The following FBXL16 variants were observed in gnomAD, a reference collection of about 807,000 sequenced individuals.
FBXL16 encodes the protein F-box and leucine rich repeat protein 16.
In FBXL16, 7 loss-of-function variants were observed where a neutral mutation model predicts 36.7. The observed-to-expected ratio is 0.19, with a 90% CI of 0.11 to 0.36. The LOEUF is 0.36. Ranked by LOEUF, FBXL16 falls within the 10% of genes least tolerant of loss-of-function variation. FBXL16 has a pLI of 1.00. For synonymous variants in FBXL16, 355 were observed against 308.7 expected, an observed-to-expected ratio of 1.15 and a Z score of -1.57; for missense variants, 463 against 659.4, an observed-to-expected ratio of 0.70 and a Z score of 3.26.
intron 1 of FBXL16, among the ~76,000 whole-genome samples, chr16:703,907 C>A (rs1434679190): frequency 2.6e-5 from 4 of 152,354 alleles, no homozygotes; most frequent in Admixed American, 2.6e-4. Context: ...AGGCCTGGGC[C>A]CCTAGTGCCT....
At chr16:696,567 G>A (rs1477545808) in intron 2 of FBXL16, among the ~76,000 whole-genome samples, 1 of 151,384 alleles carries the variant, frequency 6.6e-6, no homozygotes, top group Non-Finnish European at 1.5e-5. Flanking sequence ...CCTGGGCCCT[G>A]CATTTAATCC....
chr16:696,225 GTATT>G (rs766142167), intron 2 of FBXL16, among the ~76,000 whole-genome samples: 19 of 150,642 alleles, frequency 1.3e-4, no homozygotes, highest in Admixed American at 3.3e-4. Context: ...CACTGCATTT[GTATT>G]TATTTATTTA....
Position 695,019 on chromosome 16 carries a change from G to C in FBXL16, c.1200C>G (p.Arg400=). ...GGCAGCACCATCGCAGGTAGAGGCTGCGGAGGGACGACATGGTGGACAGAT... is the reference window on the plus strand; with the variant it reads ...GGCAGCACCATCGCAGGTAGAGGCTCCGGAGGGACGACATGGTGGACAGAT... ...LSYLSTMSSL[R]SLYLRWCCQV... The change falls in exon 4 of 6, where the codon CGC becomes CGG. Residue 400 remains arginine (R), a synonymous_variant. Coordinates refer to ENST00000397621, the MANE Select transcript of FBXL16 (RefSeq NM_153350.4). 1 of 1,567,828 alleles carries C rather than the reference G, an allele frequency of 6.4e-7. No individual in the cohort carries two copies. Among genetic ancestry groups the C allele is most frequent in the Non-Finnish European group, 8.7e-7 (1 of 1,151,662 alleles).
At position 693,512 on chromosome 16, in the gene FBXL16, A is replaced by G. The variant is rs1016918662; in HGVS notation, c.*763T>C. On this transcript the variant is annotated 3_prime_UTR_variant, in exon 6 of 6. Coordinates refer to ENST00000397621, the MANE Select transcript of FBXL16 (RefSeq NM_153350.4). ...GGGATCACGTTAATGACTCCAAGCG[A>G]TCGCCAGCCCTTCCGCCCTCTCCCT... is the stretch of plus-strand genomic sequence containing the variant. The G allele has an allele frequency of 1.3e-5, 2 of 152,658 alleles. No individual in the cohort carries two copies. Among genetic ancestry groups the G allele is most frequent in the African/African-American group, 4.8e-5 (2 of 41,452 alleles). The allele number at this position is 152,658 out of a possible 1,614,324, so 9.5% of individuals were successfully genotyped here.
At chr16:699,420 A>C (rs1388710274) in intron 1 of FBXL16, among the ~76,000 whole-genome samples, 1 of 152,072 alleles carries the variant, frequency 6.6e-6, no homozygotes, top group Admixed American at 6.5e-5. Context: ...ACATCCGGGG[A>C]GGAGGTAGAG....
intron 1 of FBXL16, among the ~76,000 whole-genome samples, chr16:700,614 C>G (rs1272907656): frequency 6.6e-6 from 1 of 152,150 alleles, no homozygotes; most frequent in Non-Finnish European, 1.5e-5. Context: ...GAGGGGATAT[C>G]GCAGGATGCC....
chr16:700,205 G>A (rs1005296847), intron 1 of FBXL16, among the ~76,000 whole-genome samples: 4 of 152,170 alleles, frequency 2.6e-5, no homozygotes, highest in Non-Finnish European at 4.4e-5. Context: ...GCCAGAACAC[G>A]TGGCCCTCGT....
chr16:704,551 G>A (rs2040077804), intron 1 of FBXL16, among the ~76,000 whole-genome samples: 1 of 152,228 alleles, frequency 6.6e-6, no homozygotes, highest in Non-Finnish European at 1.5e-5. Context: ...CCTGGTCCGG[G>A]AGACAGAAAA....
chr16:703,582 C>T (rs1376881719), intron 1 of FBXL16, among the ~76,000 whole-genome samples: 1 of 152,184 alleles, frequency 6.6e-6, no homozygotes, highest in African/African-American at 2.4e-5. Context: ...CAGACTGACA[C>T]ATTCCGTGGC....
Position 694,072 on chromosome 16 carries a change from G to A in FBXL16, c.*203C>T, listed in dbSNP as rs998475266. On this transcript the variant is annotated 3_prime_UTR_variant, in exon 6 of 6. Coordinates refer to ENST00000397621, the MANE Select transcript of FBXL16 (RefSeq NM_153350.4). Reference sequence around the variant, plus strand: ...CGTGCGTGGGGCGGGCCCACCCGCCGCCCCCCTGCCCGGGGCGGGGCTGGG... The same window carrying A: ...CGTGCGTGGGGCGGGCCCACCCGCCACCCCCCTGCCCGGGGCGGGGCTGGG... 4 of 260,548 alleles carry A rather than the reference G, an allele frequency of 1.5e-5. No homozygotes were observed. The highest frequency in any genetic ancestry group is 2.9e-5 in the Non-Finnish European group (4 of 137,358). 16.1% of individuals were successfully genotyped at this position (260,548 alleles called of 1,614,324 possible).
rs1253818518 is a variant in FBXL16, at chr16:694,418, G to C, written c.1297C>G (p.Pro433Ala). ...GACAGCCCGGTGGTGGTGAGCAGCG[G>C]GCAGCCTGCGGCGGGGTCAGAGGGC... ...SLRLLSLAGC[P>A]LLTTTGLSGL... Residue 433 changes from proline (P) to alanine (A), a missense_variant, in exon 6 of 6, where the codon CCG becomes GCG. Transcript: ENST00000397621. 6.5e-7 allele frequency: 1 copy of C among 1,546,798 alleles called. No homozygotes were observed. Among genetic ancestry groups the C allele is most frequent in the Non-Finnish European group, 8.7e-7 (1 of 1,155,238 alleles).
chr16:694,861 C>A, intron 4 of FBXL16, 131 bp downstream of exon 4: 1 of 1,247,214 alleles, frequency 8.0e-7, no homozygotes, highest in Non-Finnish European at 1.1e-6. Flanking sequence ...GGGACCCCTG[C>A]GTTCCGCTTA....
chr16:692,786 G>T lies in FBXL16; in HGVS notation c.*1489C>A, dbSNP rs1287052017. The T allele has an allele frequency of 6.6e-6, 1 of 152,390 alleles. No individual in the cohort carries two copies. Among genetic ancestry groups the T allele is most frequent in the East Asian group, 1.9e-4 (1 of 5,178 alleles). The allele number at this position is 152,390 out of a possible 1,614,324, so 9.4% of individuals were successfully genotyped here. A position where few individuals can be genotyped will look rare whatever the true frequency, so the allele number is the denominator to read the frequency against. On this transcript the variant is annotated 3_prime_UTR_variant, in exon 6 of 6. Coordinates refer to ENST00000397621, the MANE Select transcript of FBXL16 (RefSeq NM_153350.4). ...TAGGGGTTGTGGGGAGGAGGGGCTGGAGAAACTGGCTCCTGACCACTCAGC... is the reference window on the plus strand; with the variant it reads ...TAGGGGTTGTGGGGAGGAGGGGCTGTAGAAACTGGCTCCTGACCACTCAGC...
In FBXL16 at chr16:694,072, G is replaced by GCCC. The variant is rs562180431; in HGVS notation, c.*200_*202dup. 7.3e-3 allele frequency: 1,914 copies of GCCC among 260,634 alleles called. 36 individuals carry two copies. The highest frequency in any genetic ancestry group is 0.04 in the African/African-American group (1,776 of 44,244). The allele number at this position is 260,634 out of a possible 1,614,324, so 16.1% of individuals were successfully genotyped here. On this transcript the variant is annotated 3_prime_UTR_variant, in exon 6 of 6. Coordinates refer to ENST00000397621, the MANE Select transcript of FBXL16 (RefSeq NM_153350.4). ...CGTGCGTGGGGCGGGCCCACCCGCC[G>GCCC]CCCCCCTGCCCGGGGCGGGGCTGGG...
chr16:703,535 C>A (rs1482113356), intron 1 of FBXL16, among the ~76,000 whole-genome samples: 3 of 152,210 alleles, frequency 2.0e-5, no homozygotes, highest in Non-Finnish European at 4.4e-5. Context: ...CAGAGCCTGG[C>A]TGACAGCTGG....
In FBXL16 at chr16:697,238, T is replaced by C. The variant is rs1254550893; in HGVS notation, c.168A>G (p.Pro56=). The C allele has an allele frequency of 6.0e-5, 16 of 267,462 alleles. No individual in the cohort carries two copies. Among genetic ancestry groups the C allele is most frequent in the Non-Finnish European group, 7.0e-5 (15 of 215,222 alleles). 16.6% of individuals were successfully genotyped at this position (267,462 alleles called of 1,614,324 possible). ...PCQPPPPPTL[P]PPSLAAPLSR... is the part of the protein sequence containing the mutation. ...ACAGTGGAGCAGCCAGGCTGGGTGGTGGGAGGGTGGGTGGGGGTGGTGGCT... is the reference window on the plus strand; with the variant it reads ...ACAGTGGAGCAGCCAGGCTGGGTGGCGGGAGGGTGGGTGGGGGTGGTGGCT... Residue 56 remains proline, a synonymous_variant, in exon 2 of 6, where the codon CCA becomes CCG. Coordinates refer to ENST00000397621, the MANE Select transcript of FBXL16 (RefSeq NM_153350.4). This position sits in a 1 kb window ranked among gnomAD's most constrained non-coding sequence, Gnocchi z 4.6.
Position 693,952 on chromosome 16 carries a change from G to T in FBXL16, c.*323C>A, listed in dbSNP as rs2039990060. The T allele has an allele frequency of 6.1e-6, 1 of 162,826 alleles. No individual in the cohort carries two copies. Among genetic ancestry groups the T allele is most frequent in the South Asian group, 1.8e-4 (1 of 5,684 alleles). The allele number at this position is 162,826 out of a possible 1,614,324, so 10.1% of individuals were successfully genotyped here. On this transcript the variant is annotated 3_prime_UTR_variant, in exon 6 of 6. Transcript: ENST00000397621. ...AGCCCCGCCCCCCAAGCGGGAGGGCGAGCGAGTGATGGCGGCGGCTGTGGC... is the reference window on the plus strand; with the variant it reads ...AGCCCCGCCCCCCAAGCGGGAGGGCTAGCGAGTGATGGCGGCGGCTGTGGC...
chr16:696,158 C>G, intron 2 of FBXL16: 1 of 520,314 alleles, frequency 1.9e-6, no homozygotes, highest in Non-Finnish European at 3.3e-6. Context: ...CCTCTGACCT[C>G]TACTCCTGGG....
rs776971848 is a variant in FBXL16, at chr16:696,875, G to T, written c.531C>A (p.Ser177=). Residue 177 remains serine, a synonymous_variant, in exon 2 of 6, where the codon TCC becomes TCA. Transcript: ENST00000397621. The part of the protein sequence containing the change: ...GFEGFCLVGV[S]DLDICEFIDN... The stretch of plus-strand genomic sequence containing the variant: ...CAATGAACTCACAGATGTCCAGGTC[G>T]GAGACGCCAACCAGGCAGAAGCCCT... 2 of 1,609,310 alleles carry T rather than the reference G, an allele frequency of 1.2e-6. No homozygotes were observed. Among genetic ancestry groups the T allele is most frequent in the Non-Finnish European group, 8.5e-7 (1 of 1,179,034 alleles).
Sources: gnomAD v4.1 joint callset for allele counts (sites outside exome capture counted in the v4.1 genomes callset) on GRCh38, gnomAD v4.1.1 for gene constraint, Gnocchi (gnomAD v3.1) non-coding constraint, MANE v1.5 for transcripts, NCBI Gene and HGNC (gene_info 2026-07-23, HGNC 2026-07-21) for gene names.